CCT6A: variants seen among roughly 807,000 people sequenced by gnomAD.
CCT6A encodes the protein chaperonin containing TCP1 subunit 6A.
CCT6A carries 6 observed loss-of-function variants against 58.6 expected under a neutral mutation model. The observed-to-expected ratio is 0.10, with a 90% CI of 0.06 to 0.20. The LOEUF (loss-of-function observed/expected upper bound fraction) is 0.20. CCT6A is among the 10% of genes least tolerant of loss of function. CCT6A has a pLI of 1.00. For synonymous variants in CCT6A, 245 were observed against 227.8 expected (o/e 1.08, Z -0.68); for missense variants, 516 against 648.8 (o/e 0.80, Z 2.22).
chr7:56,062,008 G>A (rs1794451284), intron 12 of CCT6A, 159 bp downstream of exon 12: 1 of 489,920 alleles, frequency 2.0e-6, no homozygotes, highest in African/African-American at 2.1e-5. Flanking sequence ...ATAAAAAATG[G>A]AATGACTAGG....
intron 12 of CCT6A, 80 bp downstream of exon 12, chr7:56,061,929 T>G (rs925189518): frequency 1.3e-6 from 1 of 781,144 alleles, no homozygotes. Context: ...AAAAATGTTT[T>G]GCTTTGCAAT....
At chr7:56,061,030 G>A in intron 11 of CCT6A, 90 bp downstream of exon 11, 1 of 1,389,034 alleles carries the variant, frequency 7.2e-7, no homozygotes, top group Admixed American at 2.5e-5. Flanking sequence ...AGTGGATTTT[G>A]GATAAGCAAG....
At chr7:56,058,222 G>A in intron 6 of CCT6A, 119 bp downstream of exon 6, 1 of 867,150 alleles carries the variant, frequency 1.2e-6, no homozygotes, top group Non-Finnish European at 1.8e-6. Flanking sequence ...GTTTGGGGGA[G>A]CTATAGGAAA....
At chr7:56,052,049 C>G (rs1794106853) in intron 1 of CCT6A, 64 bp downstream of exon 1, 5 of 1,300,410 alleles carry the variant, frequency 3.8e-6, no homozygotes, top group Non-Finnish European at 4.9e-6. Context: ...CTGGCGGGCC[C>G]GGGACCGCGG....
At position 56,063,081 on chromosome 7, in the gene CCT6A, G is replaced by A; in HGVS notation, c.1592G>A (p.Gly531Asp). 1 of 1,599,332 alleles carries A rather than the reference G, an allele frequency of 6.3e-7. No individual in the cohort carries two copies. The change falls in exon 14 of 14, where the codon GGT becomes GAT. Residue 531 changes from glycine to aspartate, a missense_variant. Around this residue, in one of 3 missense-constraint regions of CCT6A, gnomAD observed 315 missense variants for 389.4 expected, o/e 0.81. Transcript: ENST00000275603. Reference protein sequence around the residue: ...IMRAGMSSLKG With the variant: ...IMRAGMSSLKD ...CGAGCTGGAATGTCTTCTCTGAAAGGTTGAATTGAAGCTTCCTCTGTATCT... is the reference window on the plus strand; with the variant it reads ...CGAGCTGGAATGTCTTCTCTGAAAGATTGAATTGAAGCTTCCTCTGTATCT...
chr7:56,060,410 G>T lies in CCT6A; in HGVS notation c.1207G>T (p.Asp403Tyr), dbSNP rs1005532616. 1 of 1,613,884 alleles carries T rather than the reference G, an allele frequency of 6.2e-7. No individual in the cohort carries two copies. The highest frequency in any genetic ancestry group is 1.3e-5 in the African/African-American group (1 of 74,914). Reference protein sequence around the residue: ...DGLRAVKNAIDDGCVVPGAGA... With the variant: ...DGLRAVKNAIYDGCVVPGAGA... ...CTTGAGGGCTGTCAAAAATGCTATTGATGATGGTAAGATCCTCACTGTATT... is the reference window on the plus strand; with the variant it reads ...CTTGAGGGCTGTCAAAAATGCTATTTATGATGGTAAGATCCTCACTGTATT... The change falls in exon 10 of 14, where the codon GAT becomes TAT. Residue 403 changes from aspartate to tyrosine, a missense_variant. Coordinates refer to ENST00000275603, the MANE Select transcript of CCT6A (RefSeq NM_001762.4).
Position 56,062,703 on chromosome 7 carries a change from G to A in CCT6A, c.1471G>A (p.Glu491Lys). The change falls in exon 13 of 14, where the codon GAA (glutamate) becomes AAA (lysine). Residue 491 changes from glutamate (E) to lysine (K), a missense_variant. Transcript: ENST00000275603. The stretch of plus-strand genomic sequence containing the variant: ...TTTAGGTGAGCCAATGGTGGCAGCA[G>A]AAGTAGGCGTATGGGATAACTATTG... ...LNTGEPMVAAEVGVWDNYCVK... is the reference protein window; with the variant it reads ...LNTGEPMVAAKVGVWDNYCVK... 1 of 1,614,132 alleles carries A rather than the reference G, an allele frequency of 6.2e-7. No homozygotes were observed. Among genetic ancestry groups the A allele is most frequent in the Non-Finnish European group, 8.5e-7 (1 of 1,179,962 alleles).
Position 56,058,484 on chromosome 7 carries a change from GCGATTCAGA to G in CCT6A, c.849_857del (p.Asp284_Asp286del). On this transcript the variant is annotated inframe_deletion, in exon 7 of 14. Transcript: ENST00000275603. ...ATAGAACTGAAAAGGAAAGTCTGTG[GCGATTCAGA>G]TAAAGGATTTGTTGTTATTAATCAA... 1.3e-6 allele frequency: 2 copies of G among 1,597,070 alleles called. No individual in the cohort carries two copies. The highest frequency in any genetic ancestry group is 2.3e-5 in the South Asian group (2 of 87,290).
At chr7:56,055,248 T>G in intron 3 of CCT6A, 1 of 264,132 alleles carries the variant, frequency 3.8e-6, no homozygotes, top group South Asian at 5.2e-5. Flanking sequence ...TACTCCAGCC[T>G]GGGTAACAAG....
At position 56,059,597 on chromosome 7, in the gene CCT6A, C is replaced by T. The variant is rs1403026128; in HGVS notation, c.1022C>T (p.Pro341Leu). Residue 341 changes from proline to leucine, a missense_variant, in exon 9 of 14, where the codon CCT becomes CTT. Transcript: ENST00000275603. ...CTGAATTCTTTTGACGACCTAAGTC[C>T]TGACTGCTTGGGACATGCAGGACTT... ...VALNSFDDLS[P>L]DCLGHAGLVY... 1 of 1,606,804 alleles carries T rather than the reference C, an allele frequency of 6.2e-7. No homozygotes were observed. The highest frequency in any genetic ancestry group is 1.3e-5 in the African/African-American group (1 of 74,882).
intron 5 of CCT6A, among the ~76,000 whole-genome samples, chr7:56,057,043 C>T (rs766382146): frequency 1.1e-4 from 17 of 152,078 alleles, no homozygotes; most frequent in Non-Finnish European, 2.5e-4. Flanking sequence ...GATCCGCCCA[C>T]CTCGGCCTCC....
intron 12 of CCT6A, 58 bp downstream of exon 12, chr7:56,061,907 C>T (rs1313935275): frequency 2.1e-6 from 2 of 934,750 alleles, no homozygotes; most frequent in Non-Finnish European, 3.2e-6. Context: ...TGAGTTGAAG[C>T]CAGGAAAGAT....
At chr7:56,057,829 C>T (rs116326485) in intron 5 of CCT6A, among the ~76,000 whole-genome samples, 164 bp from the exon 6 acceptor site, 1,617 of 152,192 alleles carry the variant, frequency 0.011, 31 homozygotes, top group African/African-American at 0.036. Flanking sequence ...TGCGGTGAGC[C>T]AAGATGGCAC....
chr7:56,056,339 A>G lies in CCT6A; in HGVS notation c.539A>G (p.Lys180Arg). The change falls in exon 5 of 14, where the codon AAA becomes AGA. Residue 180 changes from lysine to arginine, a missense_variant. Lys to Arg is a conservative substitution (Grantham distance 26). This residue lies in a region of CCT6A where 85 missense variants were observed against 74.9 expected (regional missense o/e 1.13). Transcript: ENST00000275603. ...GTAGTGGACTCCATTTTGGCCATTA[A>G]AAAGCAAGATGAACCTATTGATCTC... ...EAVVDSILAIKKQDEPIDLFM... is the reference protein window; with the variant it reads ...EAVVDSILAIRKQDEPIDLFM... 9.4e-6 allele frequency: 15 copies of G among 1,597,600 alleles called. No individual in the cohort carries two copies. The highest frequency in any genetic ancestry group is 1.3e-5 in the Non-Finnish European group (15 of 1,164,850).
At chr7:56,058,887 A>G (rs772130729) in intron 8 of CCT6A, 185 bp downstream of exon 8, 112 of 441,646 alleles carry the variant, frequency 2.5e-4, no homozygotes, top group Non-Finnish European at 4.2e-4. Context: ...GAAACTGTAT[A>G]CCCATTAAAT....
Position 56,060,349 on chromosome 7 carries a change from C to T in CCT6A, c.1146C>T (p.His382=), listed in dbSNP as rs750876408. The stretch of plus-strand genomic sequence containing the variant: ...TATTGATCAAAGGACCAAATAAGCA[C>T]ACACTCACTCAGATCAAAGATGCAG... ...VTLLIKGPNK[H]TLTQIKDAVR... The change falls in exon 10 of 14, where the codon CAC becomes CAT. Residue 382 remains histidine (H), a synonymous_variant. Coordinates refer to ENST00000275603, the MANE Select transcript of CCT6A (RefSeq NM_001762.4). The T allele has an allele frequency of 5.0e-6, 8 of 1,613,938 alleles. No individual in the cohort carries two copies. The South Asian group carries it at 5.5e-5, about 11-fold the overall frequency.
chr7:56,054,247 C>T (rs1195055126), intron 2 of CCT6A, 122 bp from the exon 3 acceptor site: 13 of 717,880 alleles, frequency 1.8e-5, no homozygotes, highest in Non-Finnish European at 3.0e-5. Flanking sequence ...TAATTTGTAG[C>T]CAACATTTGG....
chr7:56,056,543 G>A lies in CCT6A; in HGVS notation c.614+129G>A. The stretch of plus-strand genomic sequence containing the variant: ...TTCCAGACCAGCCTGGCCAACATGG[G>A]GAAACCCCGTCTCTATTAAAATTAC... On this transcript the variant is annotated intron_variant, in intron 5 of 13. Coordinates refer to ENST00000275603, the MANE Select transcript of CCT6A (RefSeq NM_001762.4). 3 of 611,856 alleles carry A rather than the reference G, an allele frequency of 4.9e-6. No individual in the cohort carries two copies. In the South Asian group the frequency reaches 5.6e-5, roughly 11 times the overall value. 37.9% of individuals were successfully genotyped at this position (611,856 alleles called of 1,614,324 possible). A position where few individuals can be genotyped will look rare whatever the true frequency, so the allele number is the denominator to read the frequency against.
chr7:56,061,641 C>T (rs1794439873), intron 11 of CCT6A, 106 bp from the exon 12 acceptor site: 1 of 678,222 alleles, frequency 1.5e-6, no homozygotes, highest in Non-Finnish European at 2.4e-6. Flanking sequence ...GCCACTGCAC[C>T]AGGCCGAGAT....
Sources: gnomAD v4.1 joint callset for allele counts (sites outside exome capture counted in the v4.1 genomes callset) on GRCh38, gnomAD v4.1.1 for gene constraint, gnomAD v4.1.1 regional missense constraint, MANE v1.5 for transcripts, NCBI Gene and HGNC (gene_info 2026-07-23, HGNC 2026-07-21) for gene names.